The following NAE1 variants were observed in gnomAD, a reference collection of about 807,000 sequenced individuals.
NAE1 encodes the protein NEDD8-activating enzyme E1 regulatory subunit.
Under a neutral mutation model 88.0 loss-of-function variants are expected in NAE1, and 59 were observed. That is an observed-to-expected ratio of 0.67 (90% CI 0.54 to 0.83). NAE1 has a LOEUF of 0.83. Among genes scored for constraint, NAE1 ranks in the 40% least tolerant of loss-of-function variants. The pLI is 0.00. For missense variants in NAE1, 554 were observed against 632.8 expected (o/e 0.88, Z 1.34); for synonymous variants, 186 against 208.9 (o/e 0.89, Z 0.95).
chr16:66,809,497 T>C (rs1959701024), intron 15 of NAE1, among the ~76,000 whole-genome samples: 1 of 152,220 alleles, frequency 6.6e-6, no homozygotes, highest in Non-Finnish European at 1.5e-5. Flanking sequence ...AATTGTACTC[T>C]TGATATATGT....
intron 13 of NAE1, among the ~76,000 whole-genome samples, chr16:66,812,433 C>CT (rs1959839972): frequency 6.6e-6 from 1 of 151,790 alleles, no homozygotes; most frequent in Non-Finnish European, 1.5e-5. Context: ...AAAAAAAACT[C>CT]TGCCTCCTAG....
chr16:66,813,522 A>C, intron 13 of NAE1, 42 bp downstream of exon 13: 1 of 1,562,262 alleles, frequency 6.4e-7, no homozygotes, highest in Non-Finnish European at 8.7e-7. Context: ...CTCTAATATA[A>C]TCAGACTTTT....
intron 1 of NAE1, among the ~76,000 whole-genome samples, chr16:66,829,428 T>C (rs553972824): frequency 2.9e-4 from 44 of 152,334 alleles, no homozygotes; most frequent in Admixed American, 1.4e-3. Context: ...TTAGTTTACA[T>C]CCTGGCTCAA....
chr16:66,803,227 G>A, intron 19 of NAE1, 109 bp from the exon 20 acceptor site: 1 of 708,976 alleles, frequency 1.4e-6, no homozygotes, highest in Non-Finnish European at 2.4e-6. Flanking sequence ...GTGTTTTAAA[G>A]TGACCCAAAA....
At position 66,808,999 on chromosome 16, in the gene NAE1, C is replaced by T. The variant is rs112850984; in HGVS notation, c.1227G>A (p.Lys409=). The T allele has an allele frequency of 2.0e-3, 3,130 of 1,603,492 alleles. 4 individuals carry two copies. Among genetic ancestry groups the T allele is most frequent in the Non-Finnish European group, 2.4e-3 (2,778 of 1,172,880 alleles). The change falls in exon 16 of 20, where the codon AAG becomes AAA. Residue 409 remains lysine, a synonymous_variant. Coordinates refer to ENST00000290810, the MANE Select transcript of NAE1 (RefSeq NM_003905.4). ...GGCTATTATACTTACTAATTTCATC[C>T]TTGTTAATTGTATCCAAACCATATT... ...AEEYGLDTIN[K]DEIISSMDNP... is the part of the protein sequence containing the mutation.
At chr16:66,816,700 C>T in intron 10 of NAE1, 28 bp from the exon 11 acceptor site, 1 of 1,514,434 alleles carries the variant, frequency 6.6e-7, no homozygotes, top group East Asian at 2.3e-5. Flanking sequence ...TGTTAGCAAA[C>T]AGCCCTTTTC....
In NAE1 at chr16:66,823,697, C is replaced by G. The variant is rs890187338; in HGVS notation, c.250-97G>C. The G allele has an allele frequency of 2.6e-5, 24 of 928,028 alleles. 1 individual carries two copies. The highest frequency in any genetic ancestry group is 1.7e-5 in the African/African-American group (1 of 58,898). The allele number at this position is 928,028 out of a possible 1,614,324, so 57.5% of individuals were successfully genotyped here. On this transcript the variant is annotated intron_variant, in intron 4 of 19. Coordinates refer to ENST00000290810, the MANE Select transcript of NAE1 (RefSeq NM_003905.4). ...ACAGGCAAACATACTGTAAAACTAT[C>G]CAAATTTCATGCATAAGTATGACAA...
At chr16:66,809,523 T>C (rs1959702669) in intron 15 of NAE1, among the ~76,000 whole-genome samples, 1 of 152,176 alleles carries the variant, frequency 6.6e-6, no homozygotes, top group African/African-American at 2.4e-5. Context: ...CTTTAAGCTT[T>C]GTATTATTGA....
chr16:66,826,381 A>G (rs545870263), intron 3 of NAE1, 142 bp downstream of exon 3: 5 of 730,770 alleles, frequency 6.8e-6, no homozygotes, highest in Non-Finnish European at 9.0e-6. Context: ...CACTTTACCT[A>G]TATTATCTCA....
At chr16:66,810,608 A>G in intron 14 of NAE1, 89 bp downstream of exon 14, 1 of 1,228,624 alleles carries the variant, frequency 8.1e-7, no homozygotes, top group Non-Finnish European at 1.2e-6. Flanking sequence ...AGAAGCACAG[A>G]GGCAGTGCCA....
intron 1 of NAE1, chr16:66,827,999 T>A: frequency 1.2e-6 from 2 of 1,613,852 alleles, no homozygotes; most frequent in African/African-American, 1.3e-5. Context: ...TTTGTTTTTG[T>A]TTGCTGAGCA....
At chr16:66,822,145 C>T (rs368498103) in intron 6 of NAE1, among the ~76,000 whole-genome samples, 1 of 152,196 alleles carries the variant, frequency 6.6e-6, no homozygotes, top group African/African-American at 2.4e-5. Flanking sequence ...GAATTACAGG[C>T]ATGAGTCACT....
At position 66,817,623 on chromosome 16, in the gene NAE1, G is replaced by A. The variant is rs1347563001; in HGVS notation, c.622-136C>T. ...TAGTGAATAGACGAAAATGAACTGAGTTAATAAAAACTGCTTTACAAATTT... is the reference window on the plus strand; with the variant it reads ...TAGTGAATAGACGAAAATGAACTGAATTAATAAAAACTGCTTTACAAATTT... On this transcript the variant is annotated intron_variant, in intron 8 of 19. Coordinates refer to ENST00000290810, the MANE Select transcript of NAE1 (RefSeq NM_003905.4). 7 of 587,196 alleles carry A rather than the reference G, an allele frequency of 1.2e-5. No homozygotes were observed. The East Asian group carries it at 2.4e-4, about 20-fold the overall frequency. 36.4% of individuals were successfully genotyped at this position (587,196 alleles called of 1,614,324 possible).
chr16:66,821,355 T>G (rs1374813072), intron 7 of NAE1, 95 bp downstream of exon 7: 7 of 1,365,706 alleles, frequency 5.1e-6, no homozygotes, highest in Non-Finnish European at 6.6e-6. Flanking sequence ...GCTACAAATT[T>G]ACTTTGTAAT....
At position 66,816,982 on chromosome 16, in the gene NAE1, C is replaced by T; in HGVS notation, c.731G>A (p.Arg244Lys). The T allele has an allele frequency of 6.3e-7, 1 of 1,599,630 alleles. No homozygotes were observed. Among genetic ancestry groups the T allele is most frequent in the Non-Finnish European group, 8.5e-7 (1 of 1,176,298 alleles). ...PKTYKEKEDF[R>K]DLIRQGILKN... Reference sequence around the variant, plus strand: ...CATATTACCTTGTCTAATCAAATCTCTGAAGTCCTCTTTTTCTTTATACGT... The same window carrying T: ...CATATTACCTTGTCTAATCAAATCTTTGAAGTCCTCTTTTTCTTTATACGT... Residue 244 changes from arginine to lysine, a missense_variant, in exon 10 of 20, where the codon AGA becomes AAA. Coordinates refer to ENST00000290810, the MANE Select transcript of NAE1 (RefSeq NM_003905.4).
At chr16:66,803,151 AAAGAGTAAACTTC>A in intron 19 of NAE1, 33 bp from the exon 20 acceptor site, 1 of 1,409,108 alleles carries the variant, frequency 7.1e-7, no homozygotes, top group Admixed American at 1.7e-5. Context: ...CAAATCTTTG[AAAGAGTAAACTTC>A]AAGAGTTACA....
chr16:66,806,141 C>T (rs756321591), intron 17 of NAE1, 115 bp from the exon 18 acceptor site: 13 of 1,216,584 alleles, frequency 1.1e-5, no homozygotes, highest in Non-Finnish European at 1.4e-5. Context: ...AACTGAAGAA[C>T]AAAAATAACA....
intron 7 of NAE1, among the ~76,000 whole-genome samples, chr16:66,820,757 C>T (rs1463371456): frequency 2.0e-5 from 3 of 152,040 alleles, no homozygotes; most frequent in African/African-American, 4.8e-5. Context: ...AAAAATTAGC[C>T]GGGCACGGTG....
rs1171054329 is a variant in NAE1 at position 66,808,621 on chromosome 16, GA to G, written c.1238-9del. The G allele has an allele frequency of 6.4e-6, 10 of 1,573,802 alleles. No individual in the cohort carries two copies. Among genetic ancestry groups the G allele is most frequent in the East Asian group, 4.5e-5 (2 of 44,152 alleles). ...GATTGTCCATGCTAGAAACTGAAAG[GA>G]AAAAAAATTTCAGTTTAATTTGGTT... On this transcript the variant is annotated splice_polypyrimidine_tract_variant and intron_variant, in intron 16 of 19. Coordinates refer to ENST00000290810, the MANE Select transcript of NAE1 (RefSeq NM_003905.4).
Sources: allele counts gnomAD v4.1 joint callset (sites outside exome capture counted in the v4.1 genomes callset), GRCh38; gene constraint gnomAD v4.1.1; transcripts MANE v1.5; gene names NCBI Gene and HGNC (gene_info 2026-07-23, HGNC 2026-07-21).